Variants in PPP1R9A observed in about 807,000 individuals in gnomAD.
PPP1R9A encodes protein phosphatase 1 regulatory subunit 9A.
Under a neutral mutation model 141.9 loss-of-function variants are expected in PPP1R9A, and 59 were observed. The ratio of observed to expected loss-of-function variants is 0.42; its 90% confidence interval spans 0.34 to 0.52. The LOEUF (loss-of-function observed/expected upper bound fraction) is 0.52. Ranked by LOEUF, PPP1R9A falls within the 20% of genes least tolerant of loss-of-function variation. The probability of loss-of-function intolerance (pLI) is 0.10; values close to 1 mark genes in which losing one functional copy is unlikely to be tolerated. For synonymous variants in PPP1R9A, 500 were observed against 569.7 expected, an observed-to-expected ratio of 0.88 and a Z score of 1.74; for missense variants, 1,444 against 1,611.9, an observed-to-expected ratio of 0.90 and a Z score of 1.78.
At chr7:95,044,455 A>C (rs749262506) in intron 2 of PPP1R9A, among the ~76,000 whole-genome samples, 4 of 152,156 alleles carry the variant, frequency 2.6e-5, no homozygotes, top group Admixed American at 6.5e-5. Context: ...GAAAGGGTCT[A>C]ATGAGTCTAA....
rs1428735022 is a variant in PPP1R9A at position 94,925,331 on chromosome 7, G to T, written c.1395+13823G>T. On this transcript the variant is annotated intron_variant, in intron 2 of 19. Transcript: ENST00000433360. Reference sequence around the variant, plus strand: ...AATTATATTTAAAAACACCCCCACAGAAACATCTAGAATAATGTTTGATTA... The same window carrying T: ...AATTATATTTAAAAACACCCCCACATAAACATCTAGAATAATGTTTGATTA... 4.6e-5 allele frequency among the ~76,000 whole-genome samples: 7 copies of T among 152,310 alleles called. No homozygotes were observed. In the East Asian group the frequency reaches 1.2e-3, roughly 25 times the overall value.
At chr7:94,958,690 G>A (rs184936535) in intron 2 of PPP1R9A, among the ~76,000 whole-genome samples, 1 of 151,992 alleles carries the variant, frequency 6.6e-6, no homozygotes, top group African/African-American at 2.4e-5. Flanking sequence ...ATTAAGCTTT[G>A]AGATTGTATT....
At chr7:95,154,828 C>T (rs1368838512) in intron 4 of PPP1R9A, 1 of 152,070 alleles carries the variant, frequency 6.6e-6, no homozygotes, top group Non-Finnish European at 1.5e-5. Flanking sequence ...ATTTTCCCTT[C>T]TAGTAGTTAT....
chr7:95,208,966 A>AAC (rs1184571414), intron 7 of PPP1R9A, among the ~76,000 whole-genome samples: 5 of 149,210 alleles, frequency 3.4e-5, no homozygotes, highest in African/African-American at 7.3e-5. Context: ...TAAAAAAAAA[A>AAC]AAAAAAAAAA....
intron 2 of PPP1R9A, among the ~76,000 whole-genome samples, chr7:95,013,631 C>G (rs1049096682): frequency 6.6e-6 from 1 of 152,030 alleles, no homozygotes; most frequent in South Asian, 2.1e-4. Flanking sequence ...ATTTTGATCC[C>G]CAGTTTAGTA....
chr7:95,100,316 G>T (rs370996140), intron 2 of PPP1R9A, among the ~76,000 whole-genome samples: 109 of 152,052 alleles, frequency 7.2e-4, no homozygotes, highest in African/African-American at 2.2e-3. Context: ...TATTTGAGGT[G>T]GTTGGTGCTA....
intron 2 of PPP1R9A, among the ~76,000 whole-genome samples, chr7:95,051,965 G>A (rs760702325): frequency 2.6e-5 from 4 of 151,302 alleles, no homozygotes; most frequent in Non-Finnish European, 5.9e-5. Context: ...TCAGCTTACT[G>A]AGTAGCTGGG....
intron 1 of PPP1R9A, 44 bp downstream of exon 1, chr7:94,907,746 T>G (rs1438964171): frequency 6.6e-6 from 1 of 151,782 alleles, no homozygotes; most frequent in Non-Finnish European, 1.5e-5. Context: ...CCGCGGCCTC[T>G]CCTCCATTAC....
intron 2 of PPP1R9A, among the ~76,000 whole-genome samples, chr7:94,991,430 T>G (rs1370944441): frequency 6.6e-6 from 1 of 152,126 alleles, no homozygotes; most frequent in Non-Finnish European, 1.5e-5. Flanking sequence ...GATATTAATC[T>G]CCTGTCAGAT....
chr7:94,929,979 T>TG (rs1264404165), intron 2 of PPP1R9A, among the ~76,000 whole-genome samples: 2 of 152,238 alleles, frequency 1.3e-5, no homozygotes, highest in African/African-American at 2.4e-5. Context: ...CAAAGGATCT[T>TG]GCCTAGTGCT....
chr7:95,027,779 A>AT (rs1431972137), intron 2 of PPP1R9A, among the ~76,000 whole-genome samples: 1 of 152,154 alleles, frequency 6.6e-6, no homozygotes, highest in Non-Finnish European at 1.5e-5. Context: ...TCACGATGGT[A>AT]AGTATTTGTA....
chr7:95,203,880 T>C (rs1049422039), intron 7 of PPP1R9A, 150 bp downstream of exon 7: 9 of 531,768 alleles, frequency 1.7e-5, no homozygotes, highest in Middle Eastern at 1.0e-3. Flanking sequence ...AGTTTGAAAA[T>C]AATCATTCAA....
rs1330534134 is a variant in PPP1R9A at position 95,250,315 on chromosome 7, A to G, written c.2396+60A>G. 3 of 1,401,654 alleles carry G rather than the reference A, an allele frequency of 2.1e-6. No individual in the cohort carries two copies. The East Asian group carries it at 7.0e-5, about 33-fold the overall frequency. 86.8% of individuals were successfully genotyped at this position (1,401,654 alleles called of 1,614,324 possible). The stretch of plus-strand genomic sequence containing the variant: ...TTTGTCTAAAGAAGGTTTATGTCCA[A>G]TAATTTTGTAATATCTAGTGGAACA... On this transcript the variant is annotated intron_variant, in intron 10 of 19. Coordinates refer to ENST00000433360, the MANE Select transcript of PPP1R9A (RefSeq NM_001166160.2).
At position 95,211,145 on chromosome 7, in the gene PPP1R9A, A is replaced by T. The variant is rs938897212; in HGVS notation, c.1956+7415A>T. Among the ~76,000 whole-genome samples the T allele has an allele frequency of 1.1e-4, 6 of 54,740 alleles. No individual in the cohort carries two copies. In the South Asian group the frequency reaches 2.6e-3, roughly 24 times the overall value. The allele number at this position is 54,740 out of a possible 152,430, so 35.9% of individuals were successfully genotyped here. A position where few individuals can be genotyped will look rare whatever the true frequency, so the allele number is the denominator to read the frequency against. ...CATGTATCCCAGAACTTAAAGTATA[A>T]AAAAAAAAAAACATTAAAAATAATA... On this transcript the variant is annotated intron_variant, in intron 7 of 19. Coordinates refer to ENST00000433360, the MANE Select transcript of PPP1R9A (RefSeq NM_001166160.2).
chr7:95,233,629 C>T (rs1179334288), intron 8 of PPP1R9A, among the ~76,000 whole-genome samples: 1 of 152,172 alleles, frequency 6.6e-6, no homozygotes, highest in African/African-American at 2.4e-5. Context: ...ATCCTACTGA[C>T]ACTTTTCCAA....
intron 2 of PPP1R9A, among the ~76,000 whole-genome samples, chr7:94,940,842 C>G (rs984371909): frequency 2.0e-5 from 3 of 151,960 alleles, no homozygotes; most frequent in Non-Finnish European, 4.4e-5. Flanking sequence ...AATTAGAACA[C>G]TTAAAAAATA....
intron 5 of PPP1R9A, among the ~76,000 whole-genome samples, chr7:95,190,473 G>A (rs959095445): frequency 2.0e-5 from 3 of 152,190 alleles, no homozygotes; most frequent in Non-Finnish European, 2.9e-5. Flanking sequence ...TTTTAGACAC[G>A]TTGAGGATGC....
chr7:95,088,524 T>G (rs1816927588), intron 2 of PPP1R9A, among the ~76,000 whole-genome samples: 1 of 152,020 alleles, frequency 6.6e-6, no homozygotes, highest in African/African-American at 2.4e-5. Flanking sequence ...AATGCTTGTG[T>G]TAACTGAATA....
chr7:95,035,371 A>G (rs1808293763), intron 2 of PPP1R9A, among the ~76,000 whole-genome samples: 1 of 152,184 alleles, frequency 6.6e-6, no homozygotes, highest in Admixed American at 6.5e-5. Context: ...CATTGTACAT[A>G]GAGCCCAATT....
Sources: allele counts gnomAD v4.1 joint callset (sites outside exome capture counted in the v4.1 genomes callset), GRCh38; gene constraint gnomAD v4.1.1; transcripts MANE v1.5; gene names NCBI Gene and HGNC (gene_info 2026-07-23, HGNC 2026-07-21).